The following ASPH variants were observed in gnomAD, a reference collection of about 807,000 sequenced individuals.
ASPH encodes aspartyl/asparaginyl beta-hydroxylase.
In ASPH, 100 loss-of-function variants were observed where a neutral mutation model predicts 118.4. The observed-to-expected ratio is 0.84, with a 90% confidence interval of 0.72 to 1.00. The LOEUF is 1.00. Ranked by LOEUF, ASPH falls within the 50% of genes least tolerant of loss-of-function variation. The pLI, the probability that ASPH is intolerant of heterozygous loss-of-function variation, is 0.00. For synonymous variants in ASPH, 315 were observed against 325.6 expected (o/e 0.97, Z 0.35); for missense variants, 920 against 919.5 (o/e 1.00, Z -0.01).
chr8:61,579,463 C>T (rs1205364651), intron 15 of ASPH: 29 of 1,606,468 alleles, frequency 1.8e-5, no homozygotes, highest in Non-Finnish European at 2.5e-5. Flanking sequence ...CATACGAAGA[C>T]CACCAGCGGC....
In ASPH at chr8:61,643,948, G is replaced by T. The variant is rs762456223; in HGVS notation, c.706C>A (p.Pro236Thr). 1.2e-6 allele frequency: 2 copies of T among 1,611,058 alleles called. No individual in the cohort carries two copies. The highest frequency in any genetic ancestry group is 1.7e-6 in the Non-Finnish European group (2 of 1,177,770). Residue 236 changes from proline (P) to threonine (T), a missense_variant, in exon 8 of 25, where the codon CCA becomes ACA. Pro to Thr is a conservative substitution (Grantham distance 38, BLOSUM62 -1). Transcript: ENST00000379454. ...AATAATTTTAACATTTACAAACCTGGATTTTCCTGCTCAGACATCATCTCT... is the reference window on the plus strand; with the variant it reads ...AATAATTTTAACATTTACAAACCTGTATTTTCCTGCTCAGACATCATCTCT... The part of the protein sequence containing the change: ...MEEMMSEQEN[P>T]DSSEPVVEDE...
intron 24 of ASPH, among the ~76,000 whole-genome samples, chr8:61,511,983 C>T (rs1321494938): frequency 6.6e-6 from 1 of 152,192 alleles, no homozygotes; most frequent in Non-Finnish European, 1.5e-5. Flanking sequence ...GGGAAACTCC[C>T]AGCTGCTTTC....
chr8:61,540,813 C>G (rs1586776016), intron 21 of ASPH, among the ~76,000 whole-genome samples: 1 of 152,262 alleles, frequency 6.6e-6, no homozygotes, highest in Non-Finnish European at 1.5e-5. Context: ...TGCTATCAGG[C>G]CAGGCGCAGT....
intron 13 of ASPH, among the ~76,000 whole-genome samples, chr8:61,632,972 T>C (rs1440194442): frequency 2.0e-5 from 3 of 152,124 alleles, no homozygotes; most frequent in East Asian, 1.9e-4. Flanking sequence ...GGGAAAGAGG[T>C]AGGATTTTCC....
intron 3 of ASPH, among the ~76,000 whole-genome samples, chr8:61,673,400 G>A (rs577947623): frequency 6.6e-6 from 1 of 152,240 alleles, no homozygotes; most frequent in Non-Finnish European, 1.5e-5. Flanking sequence ...TTGTTTTCGT[G>A]CCAAACTCCG....
chr8:61,620,514 T>C (rs1047215026), intron 13 of ASPH, among the ~76,000 whole-genome samples: 1 of 151,888 alleles, frequency 6.6e-6, no homozygotes, highest in African/African-American at 2.4e-5. Flanking sequence ...ATGTAGGTCT[T>C]GGTAGAATGT....
At chr8:61,672,476 A>T (rs1223381221) in intron 3 of ASPH, among the ~76,000 whole-genome samples, 1 of 152,086 alleles carries the variant, frequency 6.6e-6, no homozygotes, top group Non-Finnish European at 1.5e-5. Context: ...TTTCTATTGC[A>T]AAAAATATGT....
intron 1 of ASPH, chr8:61,687,793 C>T (rs1831113135): frequency 6.6e-6 from 1 of 152,094 alleles, no homozygotes; most frequent in Non-Finnish European, 1.5e-5. Context: ...ACTTTAAAAG[C>T]TAAATGTTTC....
intron 10 of ASPH, among the ~76,000 whole-genome samples, chr8:61,639,130 T>C (rs1488743534): frequency 6.6e-6 from 1 of 152,216 alleles, no homozygotes; most frequent in African/African-American, 2.4e-5. Flanking sequence ...ATTTGAAAGA[T>C]GAAGGAGCAG....
intron 14 of ASPH, among the ~76,000 whole-genome samples, chr8:61,592,904 TAAAA>T (rs1174845859): frequency 6.6e-6 from 1 of 152,126 alleles, no homozygotes; most frequent in African/African-American, 2.4e-5. Flanking sequence ...AGGCAAAGGG[TAAAA>T]AAGAAGAAAA....
chr8:61,643,497 C>G, intron 8 of ASPH, 64 bp from the exon 9 acceptor site: 1 of 1,436,040 alleles, frequency 7.0e-7, no homozygotes, highest in East Asian at 2.3e-5. Context: ...AGACAGCATT[C>G]TAGGAGATTC....
At chr8:61,648,111 T>C (rs978374558) in intron 5 of ASPH, among the ~76,000 whole-genome samples, 2 of 152,228 alleles carry the variant, frequency 1.3e-5, no homozygotes, top group African/African-American at 4.8e-5. Flanking sequence ...TTAACTACCC[T>C]GTGCCACAGA....
At chr8:61,518,334 C>T (rs1171767355) in intron 22 of ASPH, among the ~76,000 whole-genome samples, 1 of 152,166 alleles carries the variant, frequency 6.6e-6, no homozygotes, top group East Asian at 1.9e-4. Flanking sequence ...TAGGTAGTGA[C>T]TGGCAGAGCA....
chr8:61,656,263 G>A (rs1781966514), intron 3 of ASPH: 1 of 152,202 alleles, frequency 6.6e-6, no homozygotes, highest in Non-Finnish European at 1.5e-5. Context: ...CAAACTGCCA[G>A]CTTATAATGG....
At chr8:61,689,928 A>T (rs1832134493) in intron 1 of ASPH, 2 of 1,098,558 alleles carry the variant, frequency 1.8e-6, no homozygotes, top group South Asian at 6.2e-5. Context: ...GCTGAAGTGC[A>T]CTCCCTAACA....
intron 1 of ASPH, among the ~76,000 whole-genome samples, chr8:61,705,861 C>T (rs1836480657): frequency 6.6e-6 from 1 of 152,116 alleles, no homozygotes; most frequent in Non-Finnish European, 1.5e-5. Flanking sequence ...ATACCTGCAA[C>T]TTACTTCGAA....
chr8:61,638,503 G>C, intron 10 of ASPH, 140 bp from the exon 11 acceptor site: 2 of 710,806 alleles, frequency 2.8e-6, no homozygotes, highest in Non-Finnish European at 4.6e-6. Context: ...GCCGACTAGA[G>C]AGTAGGGTGG....
chr8:61,549,133 A>T (rs1429924378), intron 20 of ASPH, among the ~76,000 whole-genome samples: 1 of 152,248 alleles, frequency 6.6e-6, no homozygotes, highest in Non-Finnish European at 1.5e-5. Flanking sequence ...TATTTTTGAT[A>T]AATAAAAATA....
rs1216160002 is a variant in ASPH at position 61,651,079 on chromosome 8, A to C, written c.461T>G (p.Leu154Arg). The C allele has an allele frequency of 2.5e-6, 4 of 1,613,828 alleles. No individual in the cohort carries two copies. Among genetic ancestry groups the C allele is most frequent in the Non-Finnish European group, 3.4e-6 (4 of 1,179,876 alleles). Residue 154 changes from leucine (L) to arginine (R), a missense_variant, in exon 5 of 25, where the codon CTT (leucine) becomes CGT (arginine). Transcript: ENST00000379454. ...TTCTGCGTGTACCATTTCATGGAGA[A>C]GGGACTGAATTTGTTCTTTTGCTTC... Reference protein sequence around the residue: ...EDEAKEQIQSLLHEMVHAEHV... With the variant: ...EDEAKEQIQSRLHEMVHAEHV...
Sources: gnomAD v4.1 joint callset for allele counts (sites outside exome capture counted in the v4.1 genomes callset) on GRCh38, gnomAD v4.1.1 for gene constraint, MANE v1.5 for transcripts, NCBI Gene and HGNC (gene_info 2026-07-23, HGNC 2026-07-21) for gene names.